Variants in L3MBTL4 observed in about 807,000 individuals in gnomAD.
The protein encoded by L3MBTL4 is L3MBTL histone methyl-lysine binding protein 4.
L3MBTL4 carries 70 observed loss-of-function variants against 84.5 expected under a neutral mutation model. The ratio of observed to expected loss-of-function variants is 0.83; its 90% CI spans 0.68 to 1.01. L3MBTL4 has a LOEUF of 1.01. Ranked by LOEUF, L3MBTL4 falls within the 50% of genes least tolerant of loss-of-function variation. The pLI is 0.00. For missense variants in L3MBTL4, 715 were observed against 754.8 expected, an observed-to-expected ratio of 0.95 and a Z score of 0.62; for synonymous variants, 274 against 259.8, an observed-to-expected ratio of 1.05 and a Z score of -0.52.
At chr18:5,968,503 G>C (rs1395449096) in intron 17 of L3MBTL4, among the ~76,000 whole-genome samples, 2 of 151,930 alleles carry the variant, frequency 1.3e-5, no homozygotes, top group Non-Finnish European at 2.9e-5. Context: ...TTCGAGACTA[G>C]CATGGGCAAC....
chr18:5,969,910 C>T (rs1384650053), intron 16 of L3MBTL4, among the ~76,000 whole-genome samples: 2 of 152,184 alleles, frequency 1.3e-5, no homozygotes, highest in African/African-American at 2.4e-5. Context: ...ATCAAGGAAC[C>T]GTGCAGAATT....
intron 1 of L3MBTL4, among the ~76,000 whole-genome samples, chr18:6,359,257 C>T (rs1409118939): frequency 6.6e-6 from 1 of 152,164 alleles, no homozygotes; most frequent in Non-Finnish European, 1.5e-5. Context: ...GTCAGGAGTT[C>T]AAGACCAGCC....
At chr18:6,286,433 G>A (rs1005589066) in intron 4 of L3MBTL4, among the ~76,000 whole-genome samples, 13 of 151,492 alleles carry the variant, frequency 8.6e-5, no homozygotes, top group African/African-American at 2.7e-4. Flanking sequence ...CACTGCACTC[G>A]CCTGGGCGAC....
At chr18:6,204,908 G>A (rs1230915375) in intron 12 of L3MBTL4, among the ~76,000 whole-genome samples, 1 of 152,218 alleles carries the variant, frequency 6.6e-6, no homozygotes, top group East Asian at 1.9e-4. Context: ...GCAGTGTTCA[G>A]TAAAGGAAAG....
intron 4 of L3MBTL4, among the ~76,000 whole-genome samples, chr18:6,286,494 T>TAA (rs2049596484): frequency 1.3e-5 from 2 of 150,992 alleles, no homozygotes; most frequent in African/African-American, 4.9e-5. Context: ...ATAATAATAA[T>TAA]TTAAAAAATA....
chr18:6,084,329 T>C (rs1219486735), intron 15 of L3MBTL4, among the ~76,000 whole-genome samples: 3 of 152,182 alleles, frequency 2.0e-5, no homozygotes, highest in Non-Finnish European at 4.4e-5. Context: ...TGAGTAGTTG[T>C]AGCAGAGACC....
chr18:6,066,156 G>A (rs552277438), intron 16 of L3MBTL4, among the ~76,000 whole-genome samples: 14 of 152,110 alleles, frequency 9.2e-5, no homozygotes, highest in Non-Finnish European at 1.3e-4. Context: ...CCATGTATTC[G>A]TATAGTTTTG....
chr18:6,078,350 C>G (rs1181881551), intron 16 of L3MBTL4, among the ~76,000 whole-genome samples: 2 of 142,202 alleles, frequency 1.4e-5, no homozygotes, highest in Non-Finnish European at 3.0e-5. Flanking sequence ...TCACTTGAAC[C>G]CAGGAAGTGG....
At chr18:6,387,647 G>A (rs976549585) in intron 1 of L3MBTL4, among the ~76,000 whole-genome samples, 1 of 152,162 alleles carries the variant, frequency 6.6e-6, no homozygotes, top group African/African-American at 2.4e-5. Flanking sequence ...CATCTAGTGG[G>A]AAAAATACCG....
intron 16 of L3MBTL4, among the ~76,000 whole-genome samples, chr18:6,047,287 A>G (rs1340070598): frequency 6.6e-6 from 1 of 152,192 alleles, no homozygotes; most frequent in Non-Finnish European, 1.5e-5. Context: ...GCCCTGGAGC[A>G]GATGGATTCA....
intron 17 of L3MBTL4, among the ~76,000 whole-genome samples, chr18:5,963,467 C>A (rs778100157): frequency 1.3e-5 from 2 of 152,188 alleles, no homozygotes; most frequent in South Asian, 2.1e-4. Flanking sequence ...CTCCACCTGG[C>A]CCGCAAGCAG....
chr18:6,328,173 G>C (rs538883336), intron 1 of L3MBTL4, among the ~76,000 whole-genome samples: 2 of 152,206 alleles, frequency 1.3e-5, no homozygotes, highest in East Asian at 3.8e-4. Flanking sequence ...ATTTCTAAAA[G>C]TATATTGCTG....
chr18:6,227,827 C>T (rs1268426102), intron 10 of L3MBTL4, among the ~76,000 whole-genome samples: 4 of 152,046 alleles, frequency 2.6e-5, no homozygotes, highest in Non-Finnish European at 5.9e-5. Context: ...CATGCCGCCA[C>T]ACCTAGCTAA....
At chr18:6,238,629 T>C (rs1013601718) in intron 9 of L3MBTL4, among the ~76,000 whole-genome samples, 4 of 152,168 alleles carry the variant, frequency 2.6e-5, no homozygotes, top group African/African-American at 7.2e-5. Flanking sequence ...TTAATAAACT[T>C]CTACCACTTC....
chr18:5,993,216 T>C (rs1160799138), intron 16 of L3MBTL4, among the ~76,000 whole-genome samples: 1 of 152,196 alleles, frequency 6.6e-6, no homozygotes, highest in East Asian at 1.9e-4. Context: ...CACAGCAACA[T>C]TTCCACATAA....
intron 18 of L3MBTL4, among the ~76,000 whole-genome samples, chr18:5,957,585 C>T (rs950458998): frequency 6.6e-6 from 1 of 151,934 alleles, no homozygotes; most frequent in Non-Finnish European, 1.5e-5. Flanking sequence ...ACCAAGAAGG[C>T]AGGAATGGAA....
At chr18:5,983,840 A>G (rs2053348125) in intron 16 of L3MBTL4, among the ~76,000 whole-genome samples, 1 of 152,152 alleles carries the variant, frequency 6.6e-6, no homozygotes. Context: ...TCCTCATACT[A>G]AACACTCCTC....
intron 16 of L3MBTL4, among the ~76,000 whole-genome samples, chr18:6,019,962 G>A (rs749561323): frequency 6.6e-6 from 1 of 152,192 alleles, no homozygotes; most frequent in Non-Finnish European, 1.5e-5. Context: ...TTCCCAGGGT[G>A]CATCATTTAT....
intron 16 of L3MBTL4, among the ~76,000 whole-genome samples, chr18:5,978,255 G>T (rs1243420757): frequency 6.6e-6 from 1 of 152,164 alleles, no homozygotes. Context: ...TTTCATACAC[G>T]AGCAGCAGAT....
Sources: allele counts gnomAD v4.1 joint callset (sites outside exome capture counted in the v4.1 genomes callset), GRCh38; gene constraint gnomAD v4.1.1; transcripts MANE v1.5; gene names NCBI Gene and HGNC (gene_info 2026-07-23, HGNC 2026-07-21).